Variants in FSTL5 observed in about 807,000 individuals in gnomAD.
FSTL5 encodes the protein follistatin like 5.
Under a neutral mutation model 89.1 loss-of-function variants are expected in FSTL5, and 62 were observed. The observed-to-expected ratio is 0.70, with a 90% CI of 0.57 to 0.86. FSTL5 has a LOEUF of 0.86. Among genes scored for constraint, FSTL5 ranks in the 40% least tolerant of loss-of-function variants. FSTL5 has a pLI of 0.00. For synonymous variants in FSTL5, 383 were observed against 346.2 expected, an observed-to-expected ratio of 1.11 and a Z score of -1.18; for missense variants, 1,057 against 1,001.6, an observed-to-expected ratio of 1.06 and a Z score of -0.75.
chr4:161,467,220 A>G (rs1317214580), intron 13 of FSTL5, among the ~76,000 whole-genome samples: 1 of 152,036 alleles, frequency 6.6e-6, no homozygotes, highest in Non-Finnish European at 1.5e-5. Flanking sequence ...ACCACTTTTT[A>G]TAATGTTTGG....
intron 7 of FSTL5, among the ~76,000 whole-genome samples, chr4:161,640,075 C>A (rs762120817): frequency 2.6e-5 from 4 of 152,110 alleles, no homozygotes; most frequent in Non-Finnish European, 4.4e-5. Context: ...GGAGAATGCA[C>A]AAGCTCAGAA....
chr4:161,873,163 T>C (rs1732329711), intron 4 of FSTL5, among the ~76,000 whole-genome samples: 2 of 152,102 alleles, frequency 1.3e-5, no homozygotes, highest in South Asian at 4.1e-4. Context: ...GTGTAGCCTA[T>C]TTAACCTTGG....
intron 2 of FSTL5, among the ~76,000 whole-genome samples, chr4:162,043,749 C>CT (rs1738065872): frequency 6.6e-6 from 1 of 152,156 alleles, no homozygotes; most frequent in Admixed American, 6.6e-5. Flanking sequence ...ATGTAATATT[C>CT]TAAACCCTTT....
chr4:161,761,901 C>G (rs1276547159), intron 5 of FSTL5, among the ~76,000 whole-genome samples: 1 of 152,060 alleles, frequency 6.6e-6, no homozygotes, highest in African/African-American at 2.4e-5. Context: ...ATGAAATACC[C>G]CACTTAAAAC....
chr4:161,791,725 T>C (rs1182632666), intron 4 of FSTL5, among the ~76,000 whole-genome samples: 3 of 152,228 alleles, frequency 2.0e-5, no homozygotes, highest in Non-Finnish European at 1.5e-5. Flanking sequence ...TCTGATTTGC[T>C]GACATGTTAA....
At chr4:161,691,616 C>T (rs1737946942) in intron 6 of FSTL5, among the ~76,000 whole-genome samples, 1 of 152,076 alleles carries the variant, frequency 6.6e-6, no homozygotes, top group Non-Finnish European at 1.5e-5. Context: ...GGCACTATTG[C>T]CATCTTAACA....
chr4:161,601,015 A>C (rs1734210186), intron 7 of FSTL5, among the ~76,000 whole-genome samples: 1 of 152,194 alleles, frequency 6.6e-6, no homozygotes, highest in East Asian at 1.9e-4. Context: ...GAAGAAAACA[A>C]GGAACCATAC....
At chr4:161,554,831 T>C (rs1398924099) in intron 8 of FSTL5, among the ~76,000 whole-genome samples, 3 of 151,688 alleles carry the variant, frequency 2.0e-5, no homozygotes, top group Non-Finnish European at 3.0e-5. Flanking sequence ...TTGTTCTGTT[T>C]GTATTATGAC....
At chr4:162,117,983 T>C (rs1239934745) in intron 1 of FSTL5, among the ~76,000 whole-genome samples, 3 of 152,188 alleles carry the variant, frequency 2.0e-5, no homozygotes, top group African/African-American at 7.2e-5. Flanking sequence ...GTTGCAGTTA[T>C]CGCAAAAAGC....
intron 4 of FSTL5, among the ~76,000 whole-genome samples, chr4:161,854,366 G>GA (rs887924965): frequency 2.0e-5 from 3 of 152,186 alleles, no homozygotes; most frequent in African/African-American, 7.2e-5. Flanking sequence ...GCTTACACAG[G>GA]AAAGAGTAAT....
At chr4:162,000,702 G>C (rs959079108) in intron 3 of FSTL5, among the ~76,000 whole-genome samples, 3 of 152,086 alleles carry the variant, frequency 2.0e-5, no homozygotes, top group Non-Finnish European at 4.4e-5. Context: ...AATTACCTCT[G>C]TACAATGACC....
chr4:161,795,698 A>G (rs1397069072), intron 4 of FSTL5, among the ~76,000 whole-genome samples: 2 of 152,020 alleles, frequency 1.3e-5, no homozygotes, highest in Non-Finnish European at 2.9e-5. Context: ...ACCCAGCACT[A>G]TTTGTTGAAG....
chr4:161,488,197 G>T (rs1400242666), intron 12 of FSTL5, among the ~76,000 whole-genome samples: 1 of 151,944 alleles, frequency 6.6e-6, no homozygotes, highest in Non-Finnish European at 1.5e-5. Context: ...TCTAAACTGA[G>T]ATATATTAAA....
chr4:162,027,532 C>T (rs535856030), intron 3 of FSTL5, among the ~76,000 whole-genome samples: 5 of 152,040 alleles, frequency 3.3e-5, no homozygotes, highest in African/African-American at 9.6e-5. Context: ...ATTTCAAAAA[C>T]TTGCATTATC....
chr4:161,785,953 A>G (rs1433357774), intron 4 of FSTL5, among the ~76,000 whole-genome samples: 1 of 152,128 alleles, frequency 6.6e-6, no homozygotes, highest in African/African-American at 2.4e-5. Context: ...AAAAGTGGTA[A>G]TGAAATACAG....
chr4:161,908,979 G>A (rs1012652184), intron 4 of FSTL5, among the ~76,000 whole-genome samples: 3 of 152,000 alleles, frequency 2.0e-5, no homozygotes, highest in African/African-American at 7.2e-5. Context: ...CTCATTGACC[G>A]GAAATGGAAA....
intron 2 of FSTL5, among the ~76,000 whole-genome samples, chr4:162,055,393 A>G (rs1436194640): frequency 2.0e-5 from 3 of 151,838 alleles, no homozygotes; most frequent in African/African-American, 7.2e-5. Context: ...ATACAGGAAT[A>G]CATTTAGCAA....
chr4:161,742,219 A>C (rs1740053370), intron 6 of FSTL5, among the ~76,000 whole-genome samples: 1 of 152,216 alleles, frequency 6.6e-6, no homozygotes, highest in South Asian at 2.1e-4. Flanking sequence ...AGGGGAGTGA[A>C]GGACCATTAA....
chr4:161,876,950 C>T (rs1427755961), intron 4 of FSTL5, among the ~76,000 whole-genome samples: 2 of 151,788 alleles, frequency 1.3e-5, no homozygotes, highest in African/African-American at 4.8e-5. Flanking sequence ...TTTGGGAGGC[C>T]GAGACAGGCG....
Sources: gnomAD v4.1 joint callset for allele counts (sites outside exome capture counted in the v4.1 genomes callset) on GRCh38, gnomAD v4.1.1 for gene constraint, MANE v1.5 for transcripts, NCBI Gene and HGNC (gene_info 2026-07-23, HGNC 2026-07-21) for gene names.